ECM2: variants seen among roughly 807,000 people sequenced by gnomAD.
ECM2 encodes the protein extracellular matrix protein 2.
Under a neutral mutation model 67.5 loss-of-function variants are expected in ECM2, and 57 were observed. The ratio of observed to expected loss-of-function variants is 0.84; its 90% confidence interval spans 0.68 to 1.05. The LOEUF (loss-of-function observed/expected upper bound fraction) is 1.05. Ranked by LOEUF, ECM2 falls within the 50% of genes least tolerant of loss-of-function variation. ECM2 has a pLI of 0.00. For synonymous variants in ECM2, 258 were observed against 294.5 expected (o/e 0.88, Z 1.27); for missense variants, 741 against 822.8 (o/e 0.90, Z 1.22).
chr9:92,499,366 A>T (rs924156177), intron 9 of ECM2, among the ~76,000 whole-genome samples: 1 of 152,084 alleles, frequency 6.6e-6, no homozygotes, highest in Non-Finnish European at 1.5e-5. Flanking sequence ...TGAGCAAAAA[A>T]TTTTTTACAG....
At chr9:92,546,490 G>A in the ECM2 span, among the ~76,000 whole-genome samples, 1 of 152,132 alleles carries the variant, frequency 6.6e-6, no homozygotes, top group African/African-American at 2.4e-5. Context: ...GAACCCACTG[G>A]GAGAAAAGAA....
At chr9:92,509,108 G>A (rs1847183589) in intron 6 of ECM2, among the ~76,000 whole-genome samples, 1 of 151,476 alleles carries the variant, frequency 6.6e-6, no homozygotes, top group Admixed American at 6.6e-5. Flanking sequence ...AGCAGAAGAG[G>A]GGCCATTTCC....
In ECM2 at chr9:92,495,619, T is replaced by C; in HGVS notation, c.*696A>G. On this transcript the variant is annotated 3_prime_UTR_variant, in exon 10 of 10. Transcript: ENST00000344604. ...TATACTGTTTAACTTTAAAAAATAATTTTAGAATTATAGAAAAGTTTCAAA... is the reference window on the plus strand; with the variant it reads ...TATACTGTTTAACTTTAAAAAATAACTTTAGAATTATAGAAAAGTTTCAAA... 1 of 954,876 alleles carries C rather than the reference T, an allele frequency of 1.0e-6. No individual in the cohort carries two copies. The highest frequency in any genetic ancestry group is 4.8e-5 in the South Asian group (1 of 20,672). 59.2% of individuals were successfully genotyped at this position (954,876 alleles called of 1,614,324 possible). A position where few individuals can be genotyped will look rare whatever the true frequency, so the allele number is the denominator to read the frequency against.
At chr9:92,509,766 T>C in intron 6 of ECM2, 133 bp downstream of exon 6, 1 of 941,498 alleles carries the variant, frequency 1.1e-6, no homozygotes, top group Non-Finnish European at 1.5e-6. Context: ...AGAAGTTTTA[T>C]CAACTCAAAT....
the ECM2 span, among the ~76,000 whole-genome samples, chr9:92,548,187 G>A: frequency 6.6e-6 from 1 of 151,648 alleles, no homozygotes; most frequent in East Asian, 1.9e-4. Context: ...TTGCTCCTGT[G>A]TAATCCACCA....
In ECM2 at chr9:92,522,563, G is replaced by GTGTT; in HGVS notation, c.292+8_292+11dup. 6.3e-7 allele frequency: 1 copy of GTGTT among 1,591,678 alleles called. No individual in the cohort carries two copies. The highest frequency in any genetic ancestry group is 8.6e-7 in the Non-Finnish European group (1 of 1,167,336). ...TCCCTCTTTCTGTCTCTCTCTCATA[G>GTGTT]TGTTCTCTTACCTGGTAACACATTA... is the stretch of plus-strand genomic sequence containing the variant. On this transcript the variant is annotated intron_variant, in intron 2 of 9. Coordinates refer to ENST00000344604, the MANE Select transcript of ECM2 (RefSeq NM_001393.4).
chr9:92,545,277 G>A, the ECM2 span, among the ~76,000 whole-genome samples: 1 of 152,178 alleles, frequency 6.6e-6, no homozygotes, highest in African/African-American at 2.4e-5. Context: ...TGGAGAGAGA[G>A]GTACGGGCGG....
chr9:92,530,677 T>A (rs1003050901), intron 1 of ECM2, among the ~76,000 whole-genome samples: 1 of 152,222 alleles, frequency 6.6e-6, no homozygotes, highest in East Asian at 1.9e-4. Context: ...CTACTTTGTC[T>A]AATATTAATG....
In ECM2 at chr9:92,495,837, A is replaced by G. The variant is rs10429459; in HGVS notation, c.*478T>C. ...TTTATACCAGTAATTATAGCACAGG[A>G]CCTTATAAGAAATTAACAAATTATT... is the stretch of plus-strand genomic sequence containing the variant. On this transcript the variant is annotated 3_prime_UTR_variant, in exon 10 of 10. Coordinates refer to ENST00000344604, the MANE Select transcript of ECM2 (RefSeq NM_001393.4). 0.33 allele frequency: 320,325 copies of G among 964,322 alleles called. 57,177 individuals are homozygous for G. The highest frequency in any genetic ancestry group is 0.67 in the African/African-American group (37,965 of 56,714). The allele number at this position is 964,322 out of a possible 1,614,324, so 59.7% of individuals were successfully genotyped here.
In ECM2 at chr9:92,502,391, T is replaced by A. The variant is rs1221929940; in HGVS notation, c.1604+122A>T. 5.6e-6 allele frequency: 7 copies of A among 1,240,062 alleles called. No individual in the cohort carries two copies. The East Asian group carries it at 1.7e-4, about 31-fold the overall frequency. 76.8% of individuals were successfully genotyped at this position (1,240,062 alleles called of 1,614,324 possible). On this transcript the variant is annotated intron_variant, in intron 8 of 9. Transcript: ENST00000344604. ...AAGGGTTCACTAAGAAACGATTCTG[T>A]CTCCGAGCCCTTCAGTATCGTCACC...
chr9:92,532,015 G>GTTTTTTTTTATTTATTTTTTTT (rs1848800192), intron 1 of ECM2, among the ~76,000 whole-genome samples: 1 of 95,736 alleles, frequency 1.0e-5, no homozygotes, highest in Non-Finnish European at 1.9e-5. Flanking sequence ...TTTATTTAAT[G>GTTTTTTTTTATTTATTTTTTTT]TTTTTTTTTT....
Position 92,524,111 on chromosome 9 carries a change from G to A in ECM2, c.-27-1218C>T, listed in dbSNP as rs1203063954. Among the ~76,000 whole-genome samples, 8 of 152,134 alleles carry A rather than the reference G, an allele frequency of 5.3e-5. No homozygotes were observed. In the East Asian group the frequency reaches 9.6e-4, roughly 18 times the overall value. On this transcript the variant is annotated intron_variant, in intron 1 of 9. Transcript: ENST00000344604. ...TTTCTCTCCACCTGTTTGCTAAGAC[G>A]TTCTGTGACTGATGTAATCCACAAC... is the stretch of plus-strand genomic sequence containing the variant.
At chr9:92,500,639 G>C in intron 9 of ECM2, 88 bp downstream of exon 9, 1 of 1,351,666 alleles carries the variant, frequency 7.4e-7, no homozygotes, top group Middle Eastern at 2.3e-4. Flanking sequence ...TTCCCTTAAC[G>C]TAAATCCCAG....
chr9:92,547,728 T>C, the ECM2 span, among the ~76,000 whole-genome samples: 1 of 152,220 alleles, frequency 6.6e-6, no homozygotes, highest in African/African-American at 2.4e-5. Flanking sequence ...GTTCTAAAAA[T>C]AGTAGTGATG....
chr9:92,519,210 T>C (rs868308463), intron 2 of ECM2, among the ~76,000 whole-genome samples: 2 of 152,178 alleles, frequency 1.3e-5, no homozygotes, highest in African/African-American at 2.4e-5. Context: ...ACCTACCCAA[T>C]TCCTCCTCTG....
At chr9:92,546,615 G>A in the ECM2 span, among the ~76,000 whole-genome samples, 2 of 152,050 alleles carry the variant, frequency 1.3e-5, no homozygotes, top group African/African-American at 2.4e-5. Context: ...CGAACACACT[G>A]GAACACCAGA....
At chr9:92,554,383 A>G in the ECM2 span, among the ~76,000 whole-genome samples, 1 of 151,996 alleles carries the variant, frequency 6.6e-6, no homozygotes, top group African/African-American at 2.4e-5. Context: ...GGGTTTCACC[A>G]TTTTGGTCAG....
chr9:92,525,246 A>G (rs1848318744), intron 1 of ECM2, among the ~76,000 whole-genome samples: 2 of 152,050 alleles, frequency 1.3e-5, no homozygotes, highest in African/African-American at 4.8e-5. Flanking sequence ...TGAGCCCAGA[A>G]GTTCAAGGTT....
chr9:92,523,407 T>TG (rs796188431), intron 1 of ECM2, among the ~76,000 whole-genome samples: 5 of 152,196 alleles, frequency 3.3e-5, no homozygotes, highest in African/African-American at 1.2e-4. Flanking sequence ...GACAATATGT[T>TG]GGGGACCAGC....
Sources: allele counts gnomAD v4.1 joint callset (sites outside exome capture counted in the v4.1 genomes callset), GRCh38; gene constraint gnomAD v4.1.1; transcripts MANE v1.5; gene names NCBI Gene and HGNC (gene_info 2026-07-23, HGNC 2026-07-21).